Variants in LRRC7 observed in about 807,000 individuals in gnomAD.
LRRC7 encodes leucine-rich repeat-containing protein 7.
A neutral mutation model predicts 175.7 loss-of-function variants in LRRC7; 23 were observed. That is an observed-to-expected ratio of 0.13 (90% CI 0.09 to 0.19). LRRC7 has a LOEUF of 0.19. Among genes scored for constraint, LRRC7 ranks in the 10% least tolerant of loss-of-function variants. LRRC7 has a pLI of 1.00. For synonymous variants in LRRC7, 685 were observed against 680.9 expected (o/e 1.01, Z -0.09); for missense variants, 1,354 against 1,904.7 (o/e 0.71, Z 5.38).
At chr1:69,788,992 G>T (rs1193972709) in intron 3 of LRRC7, among the ~76,000 whole-genome samples, 1 of 152,056 alleles carries the variant, frequency 6.6e-6, no homozygotes, top group Non-Finnish European at 1.5e-5. Context: ...ATCAATAAAT[G>T]GTTTTTCATG....
chr1:69,853,687 G>A (rs1397906444), intron 7 of LRRC7, among the ~76,000 whole-genome samples: 2 of 152,162 alleles, frequency 1.3e-5, no homozygotes, highest in African/African-American at 2.4e-5. Context: ...CAAGATGAAG[G>A]CAGAGCTAAA....
At chr1:69,907,079 A>G (rs1251667664) in intron 7 of LRRC7, among the ~76,000 whole-genome samples, 2 of 152,082 alleles carry the variant, frequency 1.3e-5, no homozygotes, top group African/African-American at 4.8e-5. Flanking sequence ...CTTGGTGTAT[A>G]AGAATGCTTG....
intron 1 of LRRC7, among the ~76,000 whole-genome samples, chr1:69,618,106 G>T (rs1320564854): frequency 1.3e-5 from 2 of 152,054 alleles, no homozygotes; most frequent in East Asian, 3.9e-4. Context: ...GTTCCATTCT[G>T]CTATGTAAGA....
chr1:69,751,008 C>T (rs1302608341), intron 2 of LRRC7, among the ~76,000 whole-genome samples: 1 of 151,992 alleles, frequency 6.6e-6, no homozygotes, highest in African/African-American at 2.4e-5. Context: ...AAGATGTAAC[C>T]CAGGAGCATG....
At chr1:69,925,404 A>T (rs1288828564) in intron 7 of LRRC7, among the ~76,000 whole-genome samples, 4 of 152,190 alleles carry the variant, frequency 2.6e-5, no homozygotes, top group African/African-American at 9.7e-5. Context: ...GCTCTGGTAG[A>T]ATTCGGCTGT....
intron 1 of LRRC7, among the ~76,000 whole-genome samples, chr1:69,616,089 A>G (rs969222280): frequency 2.6e-5 from 4 of 152,068 alleles, no homozygotes; most frequent in African/African-American, 9.7e-5. Context: ...TATGAATCCA[A>G]TGTCATGTTA....
intron 8 of LRRC7, among the ~76,000 whole-genome samples, chr1:69,947,082 T>C (rs1649402997): frequency 6.6e-6 from 1 of 151,730 alleles, no homozygotes; most frequent in Non-Finnish European, 1.5e-5. Context: ...CACTTCACCC[T>C]GAGCAACAGA....
rs549292564 is a variant in LRRC7, at chr1:70,076,500, A to G, written c.4452+202A>G. On this transcript the variant is annotated intron_variant, in intron 24 of 26. Transcript: ENST00000651989. ...TATAGGAATTTATGGTTGGTAAAAT[A>G]CCCATTTTACAAAAGGAAAAATTGA... Among the ~76,000 whole-genome samples, 16 of 152,258 alleles carry G rather than the reference A, an allele frequency of 1.1e-4. No individual in the cohort carries two copies. The South Asian group carries it at 3.3e-3, about 32-fold the overall frequency.
chr1:69,930,035 G>T lies in LRRC7; in HGVS notation c.648-1472G>T, dbSNP rs181254012. ...TCGTATTCTCATTGAGGCCTTACCT[G>T]ATCACCCTACTAAAAATTAAATCCT... On this transcript the variant is annotated intron_variant, in intron 7 of 26. Coordinates refer to ENST00000651989, the MANE Select transcript of LRRC7 (RefSeq NM_001370785.2). Among the ~76,000 whole-genome samples the T allele has an allele frequency of 1.0e-3, 158 of 151,164 alleles. 1 individual carries two copies. Among genetic ancestry groups the T allele is most frequent in the Non-Finnish European group, 1.8e-3 (120 of 67,728 alleles).
chr1:70,083,218 T>C (rs1663357768), intron 24 of LRRC7, among the ~76,000 whole-genome samples: 1 of 152,218 alleles, frequency 6.6e-6, no homozygotes, highest in Non-Finnish European at 1.5e-5. Flanking sequence ...AATATTAACA[T>C]GTATACATTT....
intron 7 of LRRC7, among the ~76,000 whole-genome samples, chr1:69,909,478 T>C (rs1265338605): frequency 6.6e-6 from 1 of 152,172 alleles, no homozygotes; most frequent in Non-Finnish European, 1.5e-5. Flanking sequence ...GGTGACAAAA[T>C]CTGCCAGCAT....
chr1:69,727,145 G>T (rs891313027), intron 2 of LRRC7, among the ~76,000 whole-genome samples: 1 of 152,186 alleles, frequency 6.6e-6, no homozygotes, highest in Non-Finnish European at 1.5e-5. Context: ...AGTCATTGGA[G>T]GGATGTATCC....
chr1:69,612,584 C>G (rs1204949789), intron 1 of LRRC7, among the ~76,000 whole-genome samples: 1 of 151,926 alleles, frequency 6.6e-6, no homozygotes, highest in Non-Finnish European at 1.5e-5. Context: ...TAGAAGCTTT[C>G]TTTTGACTTA....
intron 10 of LRRC7, 66 bp from the exon 11 acceptor site, chr1:69,994,495 C>A: frequency 3.5e-6 from 4 of 1,127,156 alleles, no homozygotes; most frequent in South Asian, 1.3e-5. Context: ...CATGTGATTT[C>A]TTTTATATCA....
rs1676295787 is a variant in LRRC7, at chr1:69,800,140, A to G, written c.421+7980A>G. 2.0e-5 allele frequency among the ~76,000 whole-genome samples: 3 copies of G among 152,100 alleles called. No individual in the cohort carries two copies. In the South Asian group the frequency reaches 6.2e-4, roughly 32 times the overall value. ...CAAGTACCATGTTGTTTTTGTAACT[A>G]TAGCCTTGTAGTATAATTTGGGGGT... is the stretch of plus-strand genomic sequence containing the variant. On this transcript the variant is annotated intron_variant, in intron 4 of 26. Transcript: ENST00000651989.
At chr1:69,822,791 G>C (rs751383918) in intron 4 of LRRC7, among the ~76,000 whole-genome samples, 1 of 152,130 alleles carries the variant, frequency 6.6e-6, no homozygotes, top group African/African-American at 2.4e-5. Flanking sequence ...CATAAGCTTT[G>C]CTCCAATGAT....
In LRRC7 at chr1:69,854,602, G is replaced by A. The variant is rs778581427; in HGVS notation, c.647+16319G>A. 3.2e-4 allele frequency among the ~76,000 whole-genome samples: 48 copies of A among 152,034 alleles called. No individual in the cohort carries two copies. In the Middle Eastern group the frequency reaches 0.017, roughly 54 times the overall value. On this transcript the variant is annotated intron_variant, in intron 7 of 26. Transcript: ENST00000651989. ...TTACTGAGGGTAACTTGATCCAAGGGGAATCCAGATATCCAGATATCTTTA... is the reference window on the plus strand; with the variant it reads ...TTACTGAGGGTAACTTGATCCAAGGAGAATCCAGATATCCAGATATCTTTA...
intron 3 of LRRC7, among the ~76,000 whole-genome samples, chr1:69,786,766 A>G (rs1183193950): frequency 1.3e-5 from 2 of 152,134 alleles, no homozygotes; most frequent in African/African-American, 4.8e-5. Context: ...TCCCTCTAAC[A>G]ACACGTGGGA....
intron 1 of LRRC7, among the ~76,000 whole-genome samples, chr1:69,570,217 G>T (rs924760844): frequency 6.6e-6 from 1 of 152,018 alleles, no homozygotes; most frequent in Non-Finnish European, 1.5e-5. Flanking sequence ...CCCTCCAACG[G>T]GTGAGATACA....
Sources: allele counts gnomAD v4.1 joint callset (sites outside exome capture counted in the v4.1 genomes callset), GRCh38; gene constraint gnomAD v4.1.1; transcripts MANE v1.5; gene names NCBI Gene and HGNC (gene_info 2026-07-23, HGNC 2026-07-21).